The following SLC10A7 variants were observed in gnomAD, a reference collection of about 807,000 sequenced individuals.
The protein encoded by SLC10A7 is sodium/bile acid cotransporter 7.
A neutral mutation model predicts 43.2 loss-of-function variants in SLC10A7; 29 were observed. That is an observed-to-expected ratio of 0.67 (90% CI 0.50 to 0.92). The LOEUF is 0.92. Ranked by LOEUF, SLC10A7 falls within the 40% of genes least tolerant of loss-of-function variation. The pLI is 0.00. For synonymous variants in SLC10A7, 152 were observed against 144.8 expected (o/e 1.05, Z -0.35); for missense variants, 295 against 403.2 (o/e 0.73, Z 2.30).
At chr4:146,442,392 G>A in intron 5 of SLC10A7, 2 of 1,004,358 alleles carry the variant, frequency 2.0e-6, no homozygotes, top group Non-Finnish European at 2.4e-6. Flanking sequence ...ATGTCAACAA[G>A]TAAATTAGCA....
At chr4:146,520,489 GT>G (rs1326455397) in intron 1 of SLC10A7, among the ~76,000 whole-genome samples, 1 of 152,148 alleles carries the variant, frequency 6.6e-6, no homozygotes, top group East Asian at 1.9e-4. Flanking sequence ...CACAATTTTG[GT>G]TTAAATAATT....
At chr4:146,351,372 T>A (rs1028405490) in intron 5 of SLC10A7, among the ~76,000 whole-genome samples, 2 of 151,962 alleles carry the variant, frequency 1.3e-5, no homozygotes, top group South Asian at 2.1e-4. Flanking sequence ...CCAAGAAATA[T>A]GGGACTATGT....
chr4:146,331,606 G>A (rs1733541246), intron 5 of SLC10A7, among the ~76,000 whole-genome samples: 1 of 152,048 alleles, frequency 6.6e-6, no homozygotes. Flanking sequence ...TTAAATAAAT[G>A]TTTGACAGGT....
rs116029783 is a variant in SLC10A7 at position 146,277,943 on chromosome 4, T to C, written c.847+5249A>G. 7.1e-3 allele frequency among the ~76,000 whole-genome samples: 1,081 copies of C among 152,322 alleles called. 8 individuals are homozygous for C. Among genetic ancestry groups the C allele is most frequent in the African/African-American group, 0.023 (961 of 41,584 alleles). The stretch of plus-strand genomic sequence containing the variant: ...TAGGAGCAATTACATTTGTTAAGTA[T>C]TTTAGAACTGTCTTATAACCAGCAG... On this transcript the variant is annotated intron_variant, in intron 10 of 11. Coordinates refer to ENST00000335472, the MANE Select transcript of SLC10A7 (RefSeq NM_001029998.6).
intron 10 of SLC10A7, among the ~76,000 whole-genome samples, chr4:146,277,775 GCAGA>G (rs1203204581): frequency 6.6e-6 from 1 of 152,136 alleles, no homozygotes; most frequent in East Asian, 1.9e-4. Flanking sequence ...AGAATGGAGT[GCAGA>G]CAGTGTTGCC....
At chr4:146,473,622 A>C (rs772259725) in intron 4 of SLC10A7, among the ~76,000 whole-genome samples, 3 of 152,122 alleles carry the variant, frequency 2.0e-5, no homozygotes. Flanking sequence ...TAACAGGAAA[A>C]AGTGCTTTTA....
At chr4:146,459,938 A>T (rs527274378) in intron 4 of SLC10A7, among the ~76,000 whole-genome samples, 1 of 152,094 alleles carries the variant, frequency 6.6e-6, no homozygotes, top group South Asian at 2.1e-4. Context: ...AAGGACTTGT[A>T]TGCAGAATAT....
chr4:146,428,549 CT>C (rs11306173), intron 5 of SLC10A7, among the ~76,000 whole-genome samples: 29,637 of 144,992 alleles, frequency 0.2, 2,892 homozygotes, highest in Middle Eastern at 0.24. Context: ...CACCTTGGCT[CT>C]TTTTTTTTTT....
At chr4:146,430,648 A>G (rs1281755002) in intron 5 of SLC10A7, among the ~76,000 whole-genome samples, 1 of 152,086 alleles carries the variant, frequency 6.6e-6, no homozygotes. Flanking sequence ...AAATATCACC[A>G]AAAAAAGCTA....
At chr4:146,335,060 G>A (rs1488393521) in intron 5 of SLC10A7, among the ~76,000 whole-genome samples, 3 of 151,838 alleles carry the variant, frequency 2.0e-5, no homozygotes, top group Admixed American at 2.0e-4. Flanking sequence ...CTGGATCCTG[G>A]ATGAATGAGC....
intron 5 of SLC10A7, among the ~76,000 whole-genome samples, chr4:146,401,000 A>C (rs1260983958): frequency 1.3e-5 from 2 of 152,250 alleles, no homozygotes; most frequent in African/African-American, 4.8e-5. Context: ...CCAAAGTAAC[A>C]AAGTAAAAAA....
intron 5 of SLC10A7, among the ~76,000 whole-genome samples, chr4:146,364,317 A>G (rs72729836): frequency 0.041 from 6,254 of 152,240 alleles, 164 homozygotes; most frequent in Middle Eastern, 0.071. Flanking sequence ...TGAATAGACC[A>G]AACACAAAGA....
Position 146,325,986 on chromosome 4 carries a change from A to G in SLC10A7, c.446T>C (p.Ile149Thr), listed in dbSNP as rs551176972. Reference sequence around the variant, plus strand: ...AAAAAGCAGCAGGAGCAGGGGTGTTATAACGATGCCCTGAAAGAAATAAAA... The same window carrying G: ...AAAAAGCAGCAGGAGCAGGGGTGTTGTAACGATGCCCTGAAAGAAATAAAA... ...SAFGSFLGIV[I>T]TPLLLLLFLG... The change falls in exon 6 of 12, where the codon ATA becomes ACA. Residue 149 changes from isoleucine to threonine, a missense_variant. Physicochemically the swap from Ile to Thr is moderately conservative, Grantham distance 89. Around this residue, in one of 2 missense-constraint regions of SLC10A7, gnomAD observed 242 missense variants for 362.5 expected, o/e 0.67. Transcript: ENST00000335472. 24 of 1,612,238 alleles carry G rather than the reference A, an allele frequency of 1.5e-5. 1 individual carries two copies. In the South Asian group the frequency reaches 2.5e-4, roughly 17 times the overall value.
intron 7 of SLC10A7, among the ~76,000 whole-genome samples, chr4:146,305,266 T>G (rs1247655362): frequency 6.6e-6 from 1 of 151,430 alleles, no homozygotes; most frequent in Admixed American, 6.6e-5. Context: ...TGAGTTCATG[T>G]CCTTTGTAGG....
At chr4:146,456,631 A>T (rs1193555441) in intron 4 of SLC10A7, among the ~76,000 whole-genome samples, 1 of 151,998 alleles carries the variant, frequency 6.6e-6, no homozygotes, top group African/African-American at 2.4e-5. Flanking sequence ...AGGTCTGGGA[A>T]GGAGTGCAGA....
intron 3 of SLC10A7, 126 bp from the exon 4 acceptor site, chr4:146,504,050 C>T (rs893251741): frequency 7.4e-6 from 6 of 814,714 alleles, no homozygotes; most frequent in Non-Finnish European, 1.2e-5. Flanking sequence ...TGCACATCCC[C>T]TGTTGAATTT....
At chr4:146,349,675 A>G (rs1394475829) in intron 5 of SLC10A7, among the ~76,000 whole-genome samples, 1 of 152,248 alleles carries the variant, frequency 6.6e-6, no homozygotes, top group Non-Finnish European at 1.5e-5. Context: ...AATACTATGC[A>G]GCCATAAAAA....
At chr4:146,363,875 G>A (rs1736216990) in intron 5 of SLC10A7, among the ~76,000 whole-genome samples, 1 of 151,882 alleles carries the variant, frequency 6.6e-6, no homozygotes, top group Non-Finnish European at 1.5e-5. Context: ...GAAGTTTATA[G>A]CAATAAACAC....
intron 5 of SLC10A7, among the ~76,000 whole-genome samples, chr4:146,340,328 T>C (rs1734173158): frequency 6.6e-6 from 1 of 151,868 alleles, no homozygotes; most frequent in Non-Finnish European, 1.5e-5. Flanking sequence ...TTTTTTGGTA[T>C]AAAAAGTTCA....
Sources: allele counts gnomAD v4.1 joint callset (sites outside exome capture counted in the v4.1 genomes callset), GRCh38; gene constraint gnomAD v4.1.1; regional missense constraint gnomAD v4.1.1; transcripts MANE v1.5; gene names NCBI Gene and HGNC (gene_info 2026-07-23, HGNC 2026-07-21).